CCDC167: variants seen among roughly 807,000 people sequenced by gnomAD.
The protein encoded by CCDC167 is coiled-coil domain-containing protein 167.
In CCDC167, 15 loss-of-function variants were observed where a neutral mutation model predicts 12.7. The ratio of observed to expected loss-of-function variants is 1.18; its 90% CI spans 0.79 to 1.81. The LOEUF (loss-of-function observed/expected upper bound fraction) is 1.81, where lower values mean the gene tolerates loss of function less well. Among genes scored for constraint, CCDC167 ranks in the 40% most tolerant of loss-of-function variants. The pLI is 0.00. For synonymous variants in CCDC167, 52 were observed against 49.0 expected, an observed-to-expected ratio of 1.06 and a Z score of -0.26; for missense variants, 121 against 120.1, an observed-to-expected ratio of 1.01 and a Z score of -0.03.
intron 3 of CCDC167, among the ~76,000 whole-genome samples, chr6:37,484,394 A>G (rs1200099275): frequency 6.8e-6 from 1 of 146,694 alleles, no homozygotes; most frequent in African/African-American, 2.5e-5. Flanking sequence ...CTCCACCCAC[A>G]GGAGCCCTTG....
At chr6:37,484,646 G>C (rs555122115) in intron 3 of CCDC167, among the ~76,000 whole-genome samples, 164 bp downstream of exon 3, 30 of 152,326 alleles carry the variant, frequency 2.0e-4, no homozygotes, top group Non-Finnish European at 3.2e-4. Flanking sequence ...CTGCTCTCCC[G>C]CAGGCTGCTG....
intron 1 of CCDC167, among the ~76,000 whole-genome samples, chr6:37,491,347 T>A (rs969790841): frequency 6.6e-6 from 1 of 152,204 alleles, no homozygotes; most frequent in South Asian, 2.1e-4. Flanking sequence ...CACTCCCTAA[T>A]GAACCACTGT....
chr6:37,495,041 G>A (rs1257519629), intron 1 of CCDC167, among the ~76,000 whole-genome samples: 3 of 151,744 alleles, frequency 2.0e-5, no homozygotes, highest in Non-Finnish European at 4.4e-5. Flanking sequence ...CTCAAATGAT[G>A]CACCTGCCTC....
At chr6:37,491,945 C>T (rs1323905315) in intron 1 of CCDC167, among the ~76,000 whole-genome samples, 1 of 152,170 alleles carries the variant, frequency 6.6e-6, no homozygotes, top group Admixed American at 6.5e-5. Context: ...CACCATGCCA[C>T]ATGGAGAAGG....
chr6:37,484,976 G>A, intron 2 of CCDC167, 114 bp from the exon 3 acceptor site: 2 of 1,451,554 alleles, frequency 1.4e-6, no homozygotes, highest in South Asian at 1.1e-5. Flanking sequence ...GGGGGGGTGT[G>A]CACTGAAGCT....
rs771374941 is a variant in CCDC167, at chr6:37,499,843, C to T, written c.21G>A (p.Glu7=). 6.2e-7 allele frequency: 1 copy of T among 1,614,178 alleles called. No homozygotes were observed. The highest frequency in any genetic ancestry group is 1.1e-5 in the South Asian group (1 of 91,082). ...TCACCTCTAGAGCGACGCCCAGATT[C>T]TCCCGCTTCTTTTTAGTCATGTTAC... The part of the protein sequence containing the change: MTKKKR[E]NLGVALEIDG... Residue 7 remains glutamate, a synonymous_variant, in exon 1 of 4, where the codon GAG becomes GAA. Transcript: ENST00000373408.
At chr6:37,497,783 T>G (rs1762117289) in intron 1 of CCDC167, among the ~76,000 whole-genome samples, 1 of 151,946 alleles carries the variant, frequency 6.6e-6, no homozygotes, top group African/African-American at 2.4e-5. Flanking sequence ...AACACTTGAA[T>G]GGGAGGTGGA....
chr6:37,494,498 A>G (rs1356947085), intron 1 of CCDC167, among the ~76,000 whole-genome samples: 1 of 151,776 alleles, frequency 6.6e-6, no homozygotes, highest in Non-Finnish European at 1.5e-5. Flanking sequence ...GCCCACCTCT[A>G]CTCCAGAAGG....
At chr6:37,498,754 G>A (rs1030193086) in intron 1 of CCDC167, among the ~76,000 whole-genome samples, 2 of 151,940 alleles carry the variant, frequency 1.3e-5, no homozygotes, top group Admixed American at 6.6e-5. Context: ...GAACCCAGAA[G>A]GCAGAGTTTA....
At chr6:37,492,313 A>C (rs1762032778) in intron 1 of CCDC167, among the ~76,000 whole-genome samples, 1 of 151,972 alleles carries the variant, frequency 6.6e-6, no homozygotes, top group South Asian at 2.1e-4. Flanking sequence ...AAGCTTGCTG[A>C]TCTGGCTTCA....
intron 1 of CCDC167, among the ~76,000 whole-genome samples, chr6:37,495,981 A>C (rs76295227): frequency 0.015 from 2,355 of 152,326 alleles, 56 homozygotes; most frequent in African/African-American, 0.053. Context: ...TCCAAGGCAC[A>C]CGGTTACAGA....
chr6:37,498,304 G>A (rs1244252911), intron 1 of CCDC167, among the ~76,000 whole-genome samples: 1 of 152,018 alleles, frequency 6.6e-6, no homozygotes, highest in East Asian at 1.9e-4. Context: ...TGAAGCCACT[G>A]AGTTTTGGAG....
At chr6:37,491,025 A>G (rs557386353) in intron 1 of CCDC167, among the ~76,000 whole-genome samples, 31 of 152,294 alleles carry the variant, frequency 2.0e-4, no homozygotes, top group African/African-American at 7.0e-4. Context: ...GAGAAACTGT[A>G]AAATTCGTGT....
At chr6:37,499,173 A>T (rs1384488295) in intron 1 of CCDC167, among the ~76,000 whole-genome samples, 2 of 152,208 alleles carry the variant, frequency 1.3e-5, no homozygotes, top group Non-Finnish European at 2.9e-5. Flanking sequence ...ACAGGCTTGC[A>T]GTGAGGATTA....
intron 1 of CCDC167, among the ~76,000 whole-genome samples, chr6:37,494,585 G>A (rs1039111052): frequency 1.3e-5 from 2 of 152,186 alleles, no homozygotes; most frequent in African/African-American, 4.8e-5. Context: ...CCAATGAGAC[G>A]TTCCAGAAGT....
intron 1 of CCDC167, among the ~76,000 whole-genome samples, chr6:37,498,218 G>A (rs1384934117): frequency 1.3e-5 from 2 of 152,080 alleles, no homozygotes; most frequent in African/African-American, 4.8e-5. Flanking sequence ...TTCTAAAATA[G>A]TTACTATCTG....
At chr6:37,496,355 C>G (rs768446967) in intron 1 of CCDC167, among the ~76,000 whole-genome samples, 10 of 152,096 alleles carry the variant, frequency 6.6e-5, no homozygotes, top group Non-Finnish European at 1.3e-4. Context: ...ATTGCTTGAA[C>G]CCGGGAGGCT....
chr6:37,490,335 T>C (rs1191161540), intron 1 of CCDC167, among the ~76,000 whole-genome samples: 3 of 151,346 alleles, frequency 2.0e-5, no homozygotes, highest in South Asian at 4.2e-4. Context: ...GGCTGGGGAG[T>C]CTGCCTAGGC....
intron 1 of CCDC167, among the ~76,000 whole-genome samples, chr6:37,487,614 G>C (rs1399152204): frequency 1.3e-5 from 2 of 152,202 alleles, no homozygotes; most frequent in South Asian, 2.1e-4. Context: ...GCAGATTGCG[G>C]AATTCCATCC....
Sources: allele counts gnomAD v4.1 joint callset (sites outside exome capture counted in the v4.1 genomes callset), GRCh38; gene constraint gnomAD v4.1.1; transcripts MANE v1.5; gene names NCBI Gene and HGNC (gene_info 2026-07-23, HGNC 2026-07-21).